Variants in OPRK1 observed in about 807,000 individuals in gnomAD.
The protein encoded by OPRK1 is opioid receptor kappa 1.
In OPRK1, 15 loss-of-function variants were observed where a neutral mutation model predicts 24.5. That is an observed-to-expected ratio of 0.61 (90% CI 0.41 to 0.94). The LOEUF (loss-of-function observed/expected upper bound fraction) is 0.94, where lower values mean the gene tolerates loss of function less well. Ranked by LOEUF, OPRK1 falls within the 40% of genes least tolerant of loss-of-function variation. The probability of loss-of-function intolerance (pLI) is 0.00; values close to 1 mark genes in which losing one functional copy is unlikely to be tolerated. For missense variants in OPRK1, 479 were observed against 507.3 expected (o/e 0.94, Z 0.54); for synonymous variants, 205 against 198.0 (o/e 1.04, Z -0.30).
chr8:53,236,307 G>A (rs974708522), intron 2 of OPRK1, among the ~76,000 whole-genome samples: 3 of 152,120 alleles, frequency 2.0e-5, no homozygotes, highest in African/African-American at 4.8e-5. Flanking sequence ...CTCACAGTAC[G>A]TGAGACAAGG....
intron 2 of OPRK1, among the ~76,000 whole-genome samples, chr8:53,240,427 C>A (rs187578368): frequency 3.3e-5 from 5 of 152,170 alleles, no homozygotes; most frequent in Admixed American, 3.3e-4. Flanking sequence ...TGCCATGGAC[C>A]CACAGGAAGC....
At chr8:53,245,495 T>C (rs1030264381) in intron 2 of OPRK1, among the ~76,000 whole-genome samples, 17 of 152,188 alleles carry the variant, frequency 1.1e-4, no homozygotes, top group Non-Finnish European at 5.9e-5. Flanking sequence ...TGCGGTGCTT[T>C]GTTATGGCAG....
chr8:53,239,042 A>T (rs1211194195), intron 2 of OPRK1, among the ~76,000 whole-genome samples: 1 of 152,154 alleles, frequency 6.6e-6, no homozygotes, highest in Non-Finnish European at 1.5e-5. Flanking sequence ...TTTAATCTTG[A>T]TGACTGATTA....
intron 2 of OPRK1, among the ~76,000 whole-genome samples, chr8:53,236,716 C>T (rs948270482): frequency 5.3e-5 from 8 of 152,120 alleles, no homozygotes; most frequent in African/African-American, 1.7e-4. Flanking sequence ...GACTGAAATG[C>T]TATCTGTTCA....
chr8:53,237,859 A>G (rs536506247), intron 2 of OPRK1, among the ~76,000 whole-genome samples: 1 of 152,288 alleles, frequency 6.6e-6, no homozygotes, highest in East Asian at 1.9e-4. Context: ...AGGTAAGTTA[A>G]GTGATTTGTT....
intron 3 of OPRK1, among the ~76,000 whole-genome samples, chr8:53,233,855 C>T (rs1163432866): frequency 6.6e-6 from 1 of 151,980 alleles, no homozygotes; most frequent in African/African-American, 2.4e-5. Flanking sequence ...CCAGGTGATT[C>T]CAATGTGCAG....
chr8:53,242,840 C>A (rs765317816), intron 2 of OPRK1: 16 of 1,267,656 alleles, frequency 1.3e-5, no homozygotes, highest in Non-Finnish European at 1.5e-5. Flanking sequence ...CTTCCCTGCC[C>A]GGCTTCACAC....
intron 2 of OPRK1, chr8:53,238,449 A>G: frequency 1.3e-6 from 1 of 766,490 alleles, no homozygotes; most frequent in Non-Finnish European, 1.6e-6. Flanking sequence ...CTGACAACAT[A>G]ACAGACCTGA....
rs1483241599 is a variant in OPRK1 at position 53,227,632 on chromosome 8, T to A, written c.*1665A>T. On this transcript the variant is annotated 3_prime_UTR_variant, in exon 4 of 4. Transcript: ENST00000265572. ...TTTTCATTAGGAGAAATCACTTCCA[T>A]TCTGCCATATGTCATCTGTGTTAGG... 6.6e-6 allele frequency: 1 copy of A among 152,186 alleles called. No individual in the cohort carries two copies. Among genetic ancestry groups the A allele is most frequent in the African/African-American group, 2.4e-5 (1 of 41,452 alleles). The allele number at this position is 152,186 out of a possible 1,614,324, so 9.4% of individuals were successfully genotyped here.
intron 2 of OPRK1, among the ~76,000 whole-genome samples, chr8:53,239,685 C>T (rs957853205): frequency 3.9e-5 from 6 of 152,204 alleles, no homozygotes; most frequent in African/African-American, 1.4e-4. Context: ...AATTACTTAG[C>T]ACCAGACTGG....
At chr8:53,237,040 A>C (rs1807012382) in intron 2 of OPRK1, among the ~76,000 whole-genome samples, 1 of 152,210 alleles carries the variant, frequency 6.6e-6, no homozygotes, top group South Asian at 2.1e-4. Context: ...GGAAACTATA[A>C]TATTTATCTC....
intron 2 of OPRK1, among the ~76,000 whole-genome samples, chr8:53,238,244 T>C (rs913842433): frequency 3.9e-5 from 6 of 152,206 alleles, no homozygotes; most frequent in African/African-American, 1.4e-4. Context: ...TATGAAATTA[T>C]TTTCCATTTC....
intron 2 of OPRK1, among the ~76,000 whole-genome samples, chr8:53,240,851 C>T (rs1429685209): frequency 6.6e-6 from 1 of 152,180 alleles, no homozygotes; most frequent in Non-Finnish European, 1.5e-5. Flanking sequence ...CTCCAATACA[C>T]ACCATACATG....
intron 2 of OPRK1, among the ~76,000 whole-genome samples, chr8:53,242,030 A>G (rs947663761): frequency 6.6e-6 from 1 of 152,234 alleles, no homozygotes; most frequent in African/African-American, 2.4e-5. Context: ...AGCACCTATA[A>G]GAAAATGGCA....
chr8:53,244,064 G>C (rs953166641), intron 2 of OPRK1, among the ~76,000 whole-genome samples: 1 of 152,196 alleles, frequency 6.6e-6, no homozygotes, highest in African/African-American at 2.4e-5. Flanking sequence ...ACTTGGGAGA[G>C]AAGAGGCAGG....
At chr8:53,233,594 A>T (rs1201258159) in intron 3 of OPRK1, among the ~76,000 whole-genome samples, 1 of 152,218 alleles carries the variant, frequency 6.6e-6, no homozygotes, top group South Asian at 2.1e-4. Context: ...AGCATTAAAC[A>T]GCATGAGTAG....
chr8:53,239,764 A>G (rs1409750288), intron 2 of OPRK1, among the ~76,000 whole-genome samples: 3 of 152,172 alleles, frequency 2.0e-5, no homozygotes, highest in Non-Finnish European at 4.4e-5. Context: ...TGTTACTGTT[A>G]TTATTCATTA....
Position 53,234,921 on chromosome 8 carries a change from T to A in OPRK1, c.448A>T (p.Thr150Ser). ...ATGTAGCGGTCCACGCTCATCATGG[T>A]CAAGGTGAAGATGCTGGTGAACATG... ...YNMFTSIFTL[T>S]MMSVDRYIAV... Residue 150 changes from threonine to serine, a missense_variant, in exon 3 of 4, where the codon ACC (threonine) becomes TCC (serine). Physicochemically the swap from Thr to Ser is moderately conservative, Grantham distance 58 (BLOSUM62 1). Transcript: ENST00000265572. The A allele has an allele frequency of 1.2e-6, 2 of 1,614,158 alleles. No individual in the cohort carries two copies. The highest frequency in any genetic ancestry group is 2.7e-5 in the African/African-American group (2 of 75,014).
In OPRK1 at chr8:53,244,106, G is replaced by A. The variant is rs528927141; in HGVS notation, c.257+6675C>T. ...GCCAGACCCTCTGTCACCCCATTCC[G>A]TCCCACATTTCTCTAGTTCCAAGAC... On this transcript the variant is annotated intron_variant, in intron 2 of 3. Coordinates refer to ENST00000265572, the MANE Select transcript of OPRK1 (RefSeq NM_000912.5). Among the ~76,000 whole-genome samples, 233 of 152,264 alleles carry A rather than the reference G, an allele frequency of 1.5e-3. 1 individual carries two copies. Among genetic ancestry groups the A allele is most frequent in the Non-Finnish European group, 6.6e-4 (45 of 68,026 alleles).
Sources: allele counts gnomAD v4.1 joint callset (sites outside exome capture counted in the v4.1 genomes callset), GRCh38; gene constraint gnomAD v4.1.1; transcripts MANE v1.5; gene names NCBI Gene and HGNC (gene_info 2026-07-23, HGNC 2026-07-21).